TSPAN4: variants seen among roughly 807,000 people sequenced by gnomAD.
TSPAN4 encodes the protein tetraspanin-4.
TSPAN4 carries 38 observed loss-of-function variants against 31.5 expected under a neutral mutation model. The observed-to-expected ratio is 1.21, with a 90% CI of 0.93 to 1.58. The LOEUF is 1.58. Ranked by LOEUF, TSPAN4 falls within the 40% of genes most tolerant of loss-of-function variation. The probability of loss-of-function intolerance (pLI) is 0.00; values close to 1 mark genes in which losing one functional copy is unlikely to be tolerated. For synonymous variants in TSPAN4, 186 were observed against 144.6 expected (o/e 1.29, Z -2.06); for missense variants, 330 against 317.3 (o/e 1.04, Z -0.30).
chr11:865,412 C>T lies in TSPAN4; in HGVS notation c.331-101C>T, dbSNP rs186280977. 300 of 897,518 alleles carry T rather than the reference C, an allele frequency of 3.3e-4. No individual in the cohort carries two copies. In the African/African-American group the frequency reaches 3.7e-3, roughly 11 times the overall value. The allele number at this position is 897,518 out of a possible 1,614,324, so 55.6% of individuals were successfully genotyped here. ...CTAGGAGGCGCGGGGGACACAAGAC[C>T]AGGCGCAGGAGGGGCCCAGCTTAGG... On this transcript the variant is annotated intron_variant, in intron 5 of 8. Coordinates refer to ENST00000397397, the MANE Select transcript of TSPAN4 (RefSeq NM_003271.5).
intron 3 of TSPAN4, among the ~76,000 whole-genome samples, chr11:854,172 G>A (rs1847913399): frequency 6.6e-6 from 1 of 152,208 alleles, no homozygotes; most frequent in African/African-American, 2.4e-5. Flanking sequence ...CACCACGAAG[G>A]GCTGTCCTCC....
Position 862,557 on chromosome 11 carries a change from G to C in TSPAN4, c.71G>C (p.Gly24Ala). 6.2e-7 allele frequency: 1 copy of C among 1,606,854 alleles called. No individual in the cohort carries two copies. The highest frequency in any genetic ancestry group is 1.1e-5 in the South Asian group (1 of 90,282). ...CCTGTTGCTGTGCCCCAGCTGGGAG[G>C]CTGTGGCGTGCTGGGTGTCGGCATC... ...FAFNLLFWLG[G>A]CGVLGVGIWL... Residue 24 changes from glycine (G) to alanine (A), a missense_variant, in exon 4 of 9, where the codon GGC becomes GCC. Transcript: ENST00000397397.
Position 864,606 on chromosome 11 carries a change from C to T in TSPAN4, c.330+95C>T. On this transcript the variant is annotated intron_variant, in intron 5 of 8. Coordinates refer to ENST00000397397, the MANE Select transcript of TSPAN4 (RefSeq NM_003271.5). ...TGGGCCCGGTGTGGACAGAGTGGCC[C>T]TGCATGTGCCCTCACGGGCAGCCAG... The T allele has an allele frequency of 4.0e-6, 6 of 1,510,364 alleles. No individual in the cohort carries two copies. In the South Asian group the frequency reaches 6.7e-5, roughly 17 times the overall value. 93.6% of individuals were successfully genotyped at this position (1,510,364 alleles called of 1,614,324 possible).
Position 857,461 on chromosome 11 carries a change from G to A in TSPAN4, c.64-5089G>A, listed in dbSNP as rs1032634399. On this transcript the variant is annotated intron_variant, in intron 3 of 8. Transcript: ENST00000397397. ...TCTGTCGCCCAGGCTGGAGTGCAGT[G>A]GCATGATGTCTGCTCACTGCAAGCT... 5 of 133,086 alleles carry A rather than the reference G, an allele frequency of 3.8e-5. No individual in the cohort carries two copies. In the Admixed American group the frequency reaches 4.5e-4, roughly 12 times the overall value. 8.2% of individuals were successfully genotyped at this position (133,086 alleles called of 1,614,324 possible).
intron 3 of TSPAN4, among the ~76,000 whole-genome samples, chr11:861,451 G>A (rs866537271): frequency 1.3e-5 from 2 of 152,110 alleles, no homozygotes; most frequent in African/African-American, 2.4e-5. Context: ...GGTGGCTCAC[G>A]CCTGGAATCC....
chr11:851,227 T>C (rs1185390943), intron 3 of TSPAN4, among the ~76,000 whole-genome samples: 1 of 152,010 alleles, frequency 6.6e-6, no homozygotes, highest in Admixed American at 6.5e-5. Flanking sequence ...GCAGCTGCAG[T>C]TGGGGGTGGC....
chr11:845,568 G>T (rs933628776), intron 1 of TSPAN4, among the ~76,000 whole-genome samples: 8 of 152,142 alleles, frequency 5.3e-5, no homozygotes, highest in Non-Finnish European at 8.8e-5. Flanking sequence ...TTCTATAGGG[G>T]TCTAGGTTGC....
chr11:853,198 G>T (rs1847853333), intron 3 of TSPAN4, among the ~76,000 whole-genome samples: 1 of 152,104 alleles, frequency 6.6e-6, no homozygotes, highest in African/African-American at 2.4e-5. Context: ...CCCCCAGCTT[G>T]CCTGGCTGCC....
At chr11:866,516 T>A (rs774147972) in intron 8 of TSPAN4, 46 bp from the exon 9 acceptor site, 155 of 1,586,928 alleles carry the variant, frequency 9.8e-5, no homozygotes, top group Non-Finnish European at 1.3e-4. Context: ...GCTTGAGGCC[T>A]GAGCCTGTGG....
intron 1 of TSPAN4, among the ~76,000 whole-genome samples, chr11:846,489 A>C (rs1049804392): frequency 1.4e-4 from 21 of 152,150 alleles, no homozygotes; most frequent in African/African-American, 4.6e-4. Context: ...CCAGAGAGCT[A>C]GTTCTGAGGG....
chr11:852,622 A>G (rs1227166793), intron 3 of TSPAN4, among the ~76,000 whole-genome samples: 1 of 152,194 alleles, frequency 6.6e-6, no homozygotes, highest in Non-Finnish European at 1.5e-5. Flanking sequence ...GCCCTGAGTC[A>G]CTGTGAGCTA....
At chr11:856,021 G>A (rs1218338669) in intron 3 of TSPAN4, among the ~76,000 whole-genome samples, 2 of 152,228 alleles carry the variant, frequency 1.3e-5, no homozygotes, top group African/African-American at 2.4e-5. Context: ...TCCAGTGACT[G>A]CACCCCTGCC....
Position 848,755 on chromosome 11 carries a change from T to G in TSPAN4, c.-18+1455T>G. On this transcript the variant is annotated intron_variant, in intron 2 of 8. Coordinates refer to ENST00000397397, the MANE Select transcript of TSPAN4 (RefSeq NM_003271.5). The surrounding 1 kb of genome is among the most constrained non-coding windows in gnomAD (Gnocchi z 5.7). The stretch of plus-strand genomic sequence containing the variant: ...TCTGCCAGGAATCTGGGCCACGTGC[T>G]GATATCTTCCCAACACCGCAGGGCC... 7.7e-6 allele frequency: 4 copies of G among 516,198 alleles called. No homozygotes were observed. The highest frequency in any genetic ancestry group is 1.4e-5 in the Non-Finnish European group (4 of 286,550). The allele number at this position is 516,198 out of a possible 1,614,324, so 32.0% of individuals were successfully genotyped here.
At chr11:855,246 G>A (rs1456418856) in intron 3 of TSPAN4, among the ~76,000 whole-genome samples, 1 of 152,204 alleles carries the variant, frequency 6.6e-6, no homozygotes, top group Non-Finnish European at 1.5e-5. Flanking sequence ...GCAGCCCAGG[G>A]CTGCAGGGGG....
At chr11:846,945 C>T (rs188769605) in intron 1 of TSPAN4, among the ~76,000 whole-genome samples, 4 of 152,324 alleles carry the variant, frequency 2.6e-5, no homozygotes, top group African/African-American at 9.6e-5. Flanking sequence ...GTGTCCCTGC[C>T]TGGCTGTCTC....
intron 2 of TSPAN4, 195 bp from the exon 3 acceptor site, chr11:850,093 C>T (rs1590227398): frequency 2.2e-6 from 1 of 452,776 alleles, no homozygotes. Flanking sequence ...GGCAAGGAGC[C>T]GGACTTCGCG....
Position 866,550 on chromosome 11 carries a change from C to T in TSPAN4, c.649-12C>T, listed in dbSNP as rs765866479. ...GGAGCTGCCATGCCCAGTCCTCCTCCCCTACCTACAGATCCTGGGCCTGAC... is the reference window on the plus strand; with the variant it reads ...GGAGCTGCCATGCCCAGTCCTCCTCTCCTACCTACAGATCCTGGGCCTGAC... On this transcript the variant is annotated splice_polypyrimidine_tract_variant and intron_variant, in intron 8 of 8. Coordinates refer to ENST00000397397, the MANE Select transcript of TSPAN4 (RefSeq NM_003271.5). 3 of 1,612,530 alleles carry T rather than the reference C, an allele frequency of 1.9e-6. No homozygotes were observed. The highest frequency in any genetic ancestry group is 1.3e-5 in the African/African-American group (1 of 75,038).
At chr11:862,319 G>A in intron 3 of TSPAN4, 1 of 553,358 alleles carries the variant, frequency 1.8e-6, no homozygotes, top group East Asian at 3.1e-5. Flanking sequence ...CCCCGACTGT[G>A]GCCATGGAGT....
intron 4 of TSPAN4, 164 bp from the exon 5 acceptor site, chr11:864,273 C>G: frequency 1.3e-6 from 1 of 768,048 alleles, no homozygotes; most frequent in Non-Finnish European, 2.2e-6. Context: ...GCCAAGGGTT[C>G]TGAGGTGGGG....
Sources: gnomAD v4.1 joint callset for allele counts (sites outside exome capture counted in the v4.1 genomes callset) on GRCh38, gnomAD v4.1.1 for gene constraint, Gnocchi (gnomAD v3.1) non-coding constraint, MANE v1.5 for transcripts, NCBI Gene and HGNC (gene_info 2026-07-23, HGNC 2026-07-21) for gene names.